The following PSD3 variants were observed in gnomAD, a reference collection of about 807,000 sequenced individuals.
The protein encoded by PSD3 is PH and SEC7 domain-containing protein 3.
In PSD3, 49 loss-of-function variants were observed where a neutral mutation model predicts 105.5. That is an observed-to-expected ratio of 0.46 (90% CI 0.37 to 0.59). PSD3 has a LOEUF of 0.59. Among genes scored for constraint, PSD3 ranks in the 20% least tolerant of loss-of-function variants. The pLI, the probability that PSD3 is intolerant of heterozygous loss-of-function variation, is 0.00. For synonymous variants in PSD3, 557 were observed against 457.8 expected (o/e 1.22, Z -2.77); for missense variants, 1,561 against 1,263.8 (o/e 1.24, Z -3.57).
intron 11 of PSD3, among the ~76,000 whole-genome samples, chr8:18,609,826 A>C (rs1805119093): frequency 6.6e-6 from 1 of 152,244 alleles, no homozygotes; most frequent in African/African-American, 2.4e-5. Flanking sequence ...ATCCTCAGGC[A>C]TCACAAGATA....
intron 1 of PSD3, among the ~76,000 whole-genome samples, chr8:18,967,843 G>C (rs1430802508): frequency 1.3e-5 from 2 of 152,192 alleles, no homozygotes; most frequent in Admixed American, 1.3e-4. Context: ...GAAGATACAG[G>C]CTTCTCCCAA....
intron 7 of PSD3, 138 bp downstream of exon 7, chr8:18,801,132 A>G: frequency 1.9e-6 from 1 of 532,960 alleles, no homozygotes; most frequent in South Asian, 3.4e-5. Context: ...AATAGACTAG[A>G]ATGAAGTAAA....
At position 18,938,397 on chromosome 8, in the gene PSD3, G is replaced by A. The variant is rs147604494; in HGVS notation, c.22-2255C>T. 6.7e-4 allele frequency among the ~76,000 whole-genome samples: 102 copies of A among 152,024 alleles called. 1 individual carries two copies. In the East Asian group the frequency reaches 0.017, roughly 26 times the overall value. ...AGCACTCTGGGAGGCTGGGGTGGGC[G>A]CACCACTTGAGGTCAGGAGTTCGAG... On this transcript the variant is annotated intron_variant, in intron 1 of 15. Transcript: ENST00000327040.
chr8:18,675,062 C>T (rs978653071), intron 9 of PSD3, among the ~76,000 whole-genome samples: 4 of 114,220 alleles, frequency 3.5e-5, no homozygotes, highest in African/African-American at 9.9e-5. Flanking sequence ...ATCTGCTGGA[C>T]CTTTATCTGT....
upstream of PSD3, among the ~76,000 whole-genome samples, chr8:19,018,049 C>T (rs940396893): frequency 6.6e-6 from 1 of 152,150 alleles, no homozygotes; most frequent in Non-Finnish European, 1.5e-5. Flanking sequence ...TCTCCACATC[C>T]TCACCCACAC....
At chr8:18,657,917 C>T (rs1236014364) in intron 9 of PSD3, among the ~76,000 whole-genome samples, 1 of 152,186 alleles carries the variant, frequency 6.6e-6, no homozygotes, top group African/African-American at 2.4e-5. Context: ...CGCTAAACAG[C>T]TAAAATTTTT....
intron 2 of PSD3, among the ~76,000 whole-genome samples, chr8:18,902,134 A>T (rs1819545388): frequency 6.6e-6 from 1 of 152,176 alleles, no homozygotes. Flanking sequence ...ATTTCATTAA[A>T]TATGCTTTCT....
Position 18,737,267 on chromosome 8 carries a change from A to G in PSD3, c.2172+28182T>C, listed in dbSNP as rs186992165. Among the ~76,000 whole-genome samples, 3 of 152,318 alleles carry G rather than the reference A, an allele frequency of 2.0e-5. No individual in the cohort carries two copies. In the East Asian group the frequency reaches 5.8e-4, roughly 29 times the overall value. On this transcript the variant is annotated intron_variant, in intron 9 of 15. Coordinates refer to ENST00000327040, the MANE Select transcript of PSD3 (RefSeq NM_015310.4). ...CACAAATGAGAAAAATAGGGCCCAC[A>G]GTTAGAAAATAATGGAACTTTAATT...
chr8:18,944,078 A>T (rs900406863), intron 1 of PSD3, among the ~76,000 whole-genome samples: 4 of 152,156 alleles, frequency 2.6e-5, no homozygotes, highest in African/African-American at 9.7e-5. Context: ...AACTTTCATG[A>T]CTATGATGGT....
At chr8:18,894,333 C>T (rs1201440791) in intron 2 of PSD3, among the ~76,000 whole-genome samples, 4 of 152,184 alleles carry the variant, frequency 2.6e-5, no homozygotes. Context: ...TGAAGCGGCA[C>T]ATGAAAACCT....
At chr8:18,765,369 C>A in intron 9 of PSD3, 80 bp downstream of exon 9, 1 of 1,285,808 alleles carries the variant, frequency 7.8e-7, no homozygotes, top group South Asian at 1.2e-5. Context: ...CTTAAGTGAT[C>A]CTTAGCCTAC....
chr8:18,799,046 A>T (rs1810443293), intron 8 of PSD3: 2 of 417,356 alleles, frequency 4.8e-6, no homozygotes, highest in Admixed American at 4.0e-5. Context: ...TGGACAAAGA[A>T]GACACAGAAC....
upstream of PSD3, among the ~76,000 whole-genome samples, chr8:19,015,954 G>A (rs1031930178): frequency 7.2e-5 from 11 of 152,082 alleles, no homozygotes; most frequent in African/African-American, 9.7e-5. Context: ...TCATTCATTC[G>A]TCCAGTTATA....
At chr8:18,695,384 T>G (rs1801203082) in intron 9 of PSD3, among the ~76,000 whole-genome samples, 1 of 152,236 alleles carries the variant, frequency 6.6e-6, no homozygotes, top group Non-Finnish European at 1.5e-5. Flanking sequence ...CCTCCTGTCA[T>G]GTCATAAACC....
chr8:18,706,543 G>A (rs1270682551), intron 9 of PSD3, among the ~76,000 whole-genome samples: 2 of 152,188 alleles, frequency 1.3e-5, no homozygotes, highest in Non-Finnish European at 2.9e-5. Flanking sequence ...TAGCAAAAAA[G>A]CCATATAGAA....
intron 9 of PSD3, among the ~76,000 whole-genome samples, chr8:18,693,815 C>A (rs1801111713): frequency 2.6e-5 from 4 of 152,194 alleles, no homozygotes; most frequent in Admixed American, 2.6e-4. Context: ...TACCTGATGA[C>A]CTTTCAATAG....
At chr8:18,724,735 G>T (rs943725480) in intron 9 of PSD3, among the ~76,000 whole-genome samples, 1 of 152,084 alleles carries the variant, frequency 6.6e-6, no homozygotes, top group African/African-American at 2.4e-5. Context: ...AGATACATGG[G>T]CTTAACAAAT....
intron 14 of PSD3, among the ~76,000 whole-genome samples, chr8:18,564,361 G>A (rs998469633): frequency 6.6e-6 from 1 of 152,170 alleles, no homozygotes; most frequent in African/African-American, 2.4e-5. Flanking sequence ...AGGCACGGTG[G>A]CTCACGCCTG....
chr8:19,023,577 A>G (rs766687573), intron 1 of PSD3, among the ~76,000 whole-genome samples: 29 of 124,522 alleles, frequency 2.3e-4, no homozygotes, highest in Non-Finnish European at 8.0e-5. Flanking sequence ...GACTACAGAC[A>G]TGCATTACCG....
Sources: gnomAD v4.1 joint callset for allele counts (sites outside exome capture counted in the v4.1 genomes callset) on GRCh38, gnomAD v4.1.1 for gene constraint, MANE v1.5 for transcripts, NCBI Gene and HGNC (gene_info 2026-07-23, HGNC 2026-07-21) for gene names.